Variants in TF observed in about 807,000 individuals in gnomAD.
The protein encoded by TF is transferrin.
In TF, 55 loss-of-function variants were observed where a neutral mutation model predicts 82.4. The observed-to-expected ratio is 0.67, with a 90% CI of 0.54 to 0.84. The LOEUF (loss-of-function observed/expected upper bound fraction) is 0.84, where lower values mean the gene tolerates loss of function less well. Among genes scored for constraint, TF ranks in the 40% least tolerant of loss-of-function variants. The probability of loss-of-function intolerance (pLI) is 0.00; values close to 1 mark genes in which losing one functional copy is unlikely to be tolerated. For missense variants in TF, 737 were observed against 868.4 expected (o/e 0.85, Z 1.90); for synonymous variants, 332 against 332.6 (o/e 1.00, Z 0.02).
At chr3:133,680,823 G>A in the TF span, among the ~76,000 whole-genome samples, 21 of 152,184 alleles carry the variant, frequency 1.4e-4, no homozygotes, top group South Asian at 6.2e-4. Flanking sequence ...TATAGGTTTC[G>A]GAGTCAAACA....
At chr3:133,664,893 G>T in the TF span, 2 of 152,154 alleles carry the variant, frequency 1.3e-5, no homozygotes, top group Non-Finnish European at 2.9e-5. Context: ...AACAGGGAAA[G>T]GTTATGATAT....
chr3:133,677,889 C>T, the TF span, among the ~76,000 whole-genome samples: 12 of 152,106 alleles, frequency 7.9e-5, no homozygotes, highest in Admixed American at 4.6e-4. Flanking sequence ...ACTTTAAGTT[C>T]TGGGATACAA....
At chr3:133,769,754 C>T (rs1258207578) in intron 13 of TF, among the ~76,000 whole-genome samples, 3 of 152,176 alleles carry the variant, frequency 2.0e-5, no homozygotes, top group Non-Finnish European at 4.4e-5. Context: ...TGAGGAGGGC[C>T]TTGTGTAGAT....
chr3:133,770,386 G>A (rs1331506309), intron 13 of TF, 122 bp from the exon 14 acceptor site: 1 of 853,630 alleles, frequency 1.2e-6, no homozygotes, highest in Admixed American at 1.7e-5. Context: ...CTTACTGTTA[G>A]AATGGAAGTT....
the TF span, among the ~76,000 whole-genome samples, chr3:133,724,604 C>T: frequency 6.6e-6 from 1 of 152,064 alleles, no homozygotes; most frequent in African/African-American, 2.4e-5. Context: ...ATTTTGTAGG[C>T]TGCCTGTTCA....
chr3:133,754,600 C>G lies in TF; in HGVS notation c.431C>G (p.Ser144Cys). Reference sequence around the variant, plus strand: ...TCCTGCCACACGGGTCTAGGCAGGTCCGCTGGGTGGAACATCCCCATAGGC... The same window carrying G: ...TCCTGCCACACGGGTCTAGGCAGGTGCGCTGGGTGGAACATCCCCATAGGC... ...KKSCHTGLGRSAGWNIPIGLL... is the reference protein window; with the variant it reads ...KKSCHTGLGRCAGWNIPIGLL... Residue 144 changes from serine to cysteine, a missense_variant, in exon 4 of 17, where the codon TCC (serine) becomes TGC (cysteine). Ser to Cys is a moderately radical substitution (Grantham distance 112, BLOSUM62 -1). Coordinates refer to ENST00000402696, the MANE Select transcript of TF (RefSeq NM_001063.4). 6.2e-7 allele frequency: 1 copy of G among 1,614,198 alleles called. No individual in the cohort carries two copies. The highest frequency in any genetic ancestry group is 8.5e-7 in the Non-Finnish European group (1 of 1,180,036).
Position 133,787,524 on chromosome 3 carries a change from T to A in TF, c.*8904T>A, listed in dbSNP as rs1192073562. Reference sequence around the variant, plus strand: ...TCTCTAGATAGTTAGAAATGCTTGATGTATTTAAAAGTAGAAATAGTATAA... The same window carrying A: ...TCTCTAGATAGTTAGAAATGCTTGAAGTATTTAAAAGTAGAAATAGTATAA... On this transcript the variant is annotated 3_prime_UTR_variant, in exon 17 of 17. Coordinates refer to ENST00000402696, the MANE Select transcript of TF (RefSeq NM_001063.4). 1 of 152,254 alleles carries A rather than the reference T, an allele frequency of 6.6e-6. No homozygotes were observed. The highest frequency in any genetic ancestry group is 1.5e-5 in the Non-Finnish European group (1 of 68,038). 9.4% of individuals were successfully genotyped at this position (152,254 alleles called of 1,614,324 possible). A position where few individuals can be genotyped will look rare whatever the true frequency, so the allele number is the denominator to read the frequency against.
chr3:133,690,379 T>G, the TF span, among the ~76,000 whole-genome samples: 1 of 152,172 alleles, frequency 6.6e-6, no homozygotes. Context: ...ACAAAGAAAT[T>G]CAAATAAAAC....
At chr3:133,681,434 G>C in the TF span, among the ~76,000 whole-genome samples, 5 of 152,188 alleles carry the variant, frequency 3.3e-5, no homozygotes, top group Non-Finnish European at 7.3e-5. Context: ...AAGGGGTTGG[G>C]GAATTCCTTT....
chr3:133,703,618 T>C, the TF span, among the ~76,000 whole-genome samples: 1 of 152,222 alleles, frequency 6.6e-6, no homozygotes, highest in African/African-American at 2.4e-5. Context: ...TTTTTAGATT[T>C]CTAGAAGGGT....
the TF span, among the ~76,000 whole-genome samples, chr3:133,687,511 CT>C: frequency 3.9e-5 from 6 of 152,160 alleles, no homozygotes; most frequent in Non-Finnish European, 7.4e-5. Flanking sequence ...CAACCATCAT[CT>C]CTATCTAGTT....
intron 1 of TF, among the ~76,000 whole-genome samples, 163 bp downstream of exon 1, chr3:133,746,646 T>C (rs1454763837): frequency 1.3e-5 from 2 of 152,226 alleles, no homozygotes; most frequent in African/African-American, 2.4e-5. Flanking sequence ...TGGCCTTTGC[T>C]TGGGCTTCTA....
chr3:133,759,122 A>T, intron 8 of TF, 53 bp from the exon 9 acceptor site: 1 of 1,612,274 alleles, frequency 6.2e-7, no homozygotes, highest in Non-Finnish European at 8.5e-7. Flanking sequence ...GCTGACAAAC[A>T]CCAGGCAACA....
At chr3:133,690,536 C>G in the TF span, among the ~76,000 whole-genome samples, 33 of 152,236 alleles carry the variant, frequency 2.2e-4, no homozygotes, top group East Asian at 6.2e-3. Flanking sequence ...TGGAAACCAA[C>G]TTAGAAATAT....
At chr3:133,748,153 C>T (rs1933556515) in intron 1 of TF, 1 of 536,452 alleles carries the variant, frequency 1.9e-6, no homozygotes, top group Non-Finnish European at 3.4e-6. Context: ...TTGTCATCTC[C>T]AGCTGGGAGG....
At chr3:133,726,037 C>T in the TF span, among the ~76,000 whole-genome samples, 244 of 152,216 alleles carry the variant, frequency 1.6e-3, no homozygotes, top group Middle Eastern at 3.4e-3. Flanking sequence ...AGCTTTTGGA[C>T]GTGCTGCTGG....
the TF span, among the ~76,000 whole-genome samples, chr3:133,724,483 G>A: frequency 6.6e-6 from 1 of 152,060 alleles, no homozygotes; most frequent in African/African-American, 2.4e-5. Context: ...CATATCCTTT[G>A]CCCACATTTG....
chr3:133,733,777 AGAG>A, the TF span, among the ~76,000 whole-genome samples: 6 of 152,158 alleles, frequency 3.9e-5, no homozygotes, highest in Non-Finnish European at 8.8e-5. Context: ...ACAGTCCTGT[AGAG>A]GAGATGATTA....
the TF span, among the ~76,000 whole-genome samples, chr3:133,678,067 A>C: frequency 6.6e-6 from 1 of 151,890 alleles, no homozygotes; most frequent in African/African-American, 2.4e-5. Flanking sequence ...GTGTCCATGC[A>C]TTCTCATTGT....
Sources: gnomAD v4.1 joint callset for allele counts (sites outside exome capture counted in the v4.1 genomes callset) on GRCh38, gnomAD v4.1.1 for gene constraint, MANE v1.5 for transcripts, NCBI Gene and HGNC (gene_info 2026-07-23, HGNC 2026-07-21) for gene names.